The following PMPCB variants were observed in gnomAD, a reference collection of about 807,000 sequenced individuals.
The protein encoded by PMPCB is peptidase, mitochondrial processing subunit beta, also known as mitochondrial-processing peptidase subunit beta.
Under a neutral mutation model 61.5 loss-of-function variants are expected in PMPCB, and 46 were observed. That is an observed-to-expected ratio of 0.75 (90% confidence interval 0.59 to 0.96). PMPCB has a LOEUF of 0.96. Ranked by LOEUF, PMPCB falls within the 40% of genes least tolerant of loss-of-function variation. The pLI is 0.00. For missense variants in PMPCB, 590 were observed against 602.4 expected (o/e 0.98, Z 0.22); for synonymous variants, 191 against 201.6 (o/e 0.95, Z 0.44).
intron 6 of PMPCB, among the ~76,000 whole-genome samples, chr7:103,306,871 T>C (rs938336733): frequency 1.3e-5 from 2 of 152,188 alleles, no homozygotes; most frequent in African/African-American, 4.8e-5. Context: ...TTCTCCTGCC[T>C]CAGCCTCCTG....
chr7:103,331,535 T>TA (rs1329830907), downstream of PMPCB, among the ~76,000 whole-genome samples: 37 of 152,276 alleles, frequency 2.4e-4, no homozygotes, highest in Admixed American at 1.7e-3. Context: ...CAGCCTCTGG[T>TA]ATCTATCATT....
chr7:103,344,525 G>A, the PMPCB span: 5 of 1,612,116 alleles, frequency 3.1e-6, no homozygotes, highest in Admixed American at 3.3e-5. Flanking sequence ...GGGCAGCTGA[G>A]GTGAGAAGGA....
chr7:103,344,696 C>T, the PMPCB span: 1 of 1,492,022 alleles, frequency 6.7e-7, no homozygotes, highest in Non-Finnish European at 9.2e-7. Flanking sequence ...TCCCCTCCAG[C>T]TCTACCTCTC....
At chr7:103,341,373 T>C in the PMPCB span, among the ~76,000 whole-genome samples, 9 of 152,228 alleles carry the variant, frequency 5.9e-5, no homozygotes, top group African/African-American at 2.2e-4. Context: ...TTAAAGACAC[T>C]AGATTTCTCA....
intron 12 of PMPCB, chr7:103,324,696 C>G (rs963734415): frequency 3.3e-6 from 3 of 897,234 alleles, no homozygotes; most frequent in Admixed American, 4.4e-5. Context: ...CTCTACAACT[C>G]GAAGATGGAG....
intron 6 of PMPCB, 92 bp downstream of exon 6, chr7:103,304,582 A>C: frequency 1.2e-6 from 1 of 823,642 alleles, no homozygotes; most frequent in Non-Finnish European, 2.1e-6. Context: ...TACCCTAAGA[A>C]TTTTCATTTA....
intron 1 of PMPCB, chr7:103,297,772 G>A: frequency 2.0e-6 from 3 of 1,532,464 alleles, no homozygotes; most frequent in Non-Finnish European, 2.6e-6. Context: ...CGTGTGGGAT[G>A]ACCCTGGTTT....
At chr7:103,330,986 TCTCA>T (rs1308681424), downstream of PMPCB, among the ~76,000 whole-genome samples, 1 of 151,080 alleles carries the variant, frequency 6.6e-6, no homozygotes, top group African/African-American at 2.4e-5. Flanking sequence ...TGAGATGGAG[TCTCA>T]CTCTGTTGGC....
At chr7:103,299,417 T>A in intron 2 of PMPCB, 26 bp from the exon 3 acceptor site, 2 of 1,391,360 alleles carry the variant, frequency 1.4e-6, no homozygotes, top group Non-Finnish European at 2.0e-6. Context: ...AATGAATTTA[T>A]TTAATTGTTC....
At chr7:103,322,360 A>G in intron 12 of PMPCB, 2 of 890,782 alleles carry the variant, frequency 2.2e-6, no homozygotes, top group Non-Finnish European at 3.3e-6. Context: ...AAGATCTCTC[A>G]ATTATACCAA....
downstream of PMPCB, chr7:103,316,837 T>C: frequency 6.2e-7 from 1 of 1,612,980 alleles, no homozygotes; most frequent in Non-Finnish European, 8.5e-7. Flanking sequence ...TACCTTGAAT[T>C]TGTTCCAGCA....
At chr7:103,344,536 A>G in the PMPCB span, 1 of 1,613,588 alleles carries the variant, frequency 6.2e-7, no homozygotes, top group South Asian at 1.1e-5. Context: ...GTGAGAAGGA[A>G]CCGAGGTTGG....
chr7:103,312,205 A>C lies in PMPCB; in HGVS notation c.1406-2A>C. On this transcript the variant is annotated splice_acceptor_variant, in intron 12 of 12. Transcript: ENST00000249269. LOFTEE classifies it high-confidence loss of function. ...TAATTAACTCTTCTTTTTAATCCTT[A>C]GGTCCCATTAAGCAACTACCAGATT... 1 of 1,613,806 alleles carries C rather than the reference A, an allele frequency of 6.2e-7. No individual in the cohort carries two copies. The highest frequency in any genetic ancestry group is 8.5e-7 in the Non-Finnish European group (1 of 1,179,930).
In PMPCB at chr7:103,312,921, A is replaced by T. The variant is rs1200468484; in HGVS notation, c.*650A>T. 1.3e-6 allele frequency: 2 copies of T among 1,592,578 alleles called. No individual in the cohort carries two copies. The highest frequency in any genetic ancestry group is 4.5e-5 in the East Asian group (2 of 44,766). ...CCCAAGCTACAATTTAAAATACAAC[A>T]ATCTATAAACGCTTAAGTCTGCAAC... On this transcript the variant is annotated 3_prime_UTR_variant, in exon 13 of 13. Transcript: ENST00000249269.
At position 103,297,563 on chromosome 7, in the gene PMPCB, G is replaced by A; in HGVS notation, c.99+5G>A. The stretch of plus-strand genomic sequence containing the variant: ...ATCCGAGGCGCTGCGGGACGGGTGA[G>A]CTTCCCTCCAGGCCGGTCCTGTCCT... On this transcript the variant is annotated splice_donor_5th_base_variant and intron_variant, in intron 1 of 12. Transcript: ENST00000249269. The A allele has an allele frequency of 6.2e-7, 1 of 1,611,634 alleles. No individual in the cohort carries two copies. Among genetic ancestry groups the A allele is most frequent in the Non-Finnish European group, 8.5e-7 (1 of 1,178,556 alleles).
At chr7:103,318,870 T>A (rs1015482441), downstream of PMPCB, among the ~76,000 whole-genome samples, 1 of 152,124 alleles carries the variant, frequency 6.6e-6, no homozygotes, top group African/African-American at 2.4e-5. Context: ...CTAAGTATGG[T>A]AAAAACCATA....
chr7:103,306,885 A>C (rs1298215278), intron 6 of PMPCB, among the ~76,000 whole-genome samples: 2 of 152,158 alleles, frequency 1.3e-5, no homozygotes, highest in Non-Finnish European at 2.9e-5. Flanking sequence ...CCTCCTGAAT[A>C]GCTGGGATTA....
At position 103,311,845 on chromosome 7, in the gene PMPCB, G is replaced by A; in HGVS notation, c.1278G>A (p.Met426Ile). ...TPICEDIGRQMLCYNRRIPIP... is the reference protein window; with the variant it reads ...TPICEDIGRQILCYNRRIPIP... The stretch of plus-strand genomic sequence containing the variant: ...TTTGTGAAGATATTGGTAGGCAAAT[G>A]TTATGCTATAATAGAAGGATTCCCA... The change falls in exon 11 of 13, where the codon ATG becomes ATA. Residue 426 changes from methionine to isoleucine, a missense_variant. By Grantham distance (10) the Met-to-Ile change is conservative (BLOSUM62 1). Transcript: ENST00000249269. 6.2e-7 allele frequency: 1 copy of A among 1,613,438 alleles called. No individual in the cohort carries two copies. Among genetic ancestry groups the A allele is most frequent in the Admixed American group, 1.7e-5 (1 of 59,984 alleles).
chr7:103,342,631 C>T, the PMPCB span, among the ~76,000 whole-genome samples: 3 of 137,040 alleles, frequency 2.2e-5, no homozygotes, highest in African/African-American at 8.4e-5. Flanking sequence ...TTTTTTGGGA[C>T]GGAGTCTTGC....
Sources: gnomAD v4.1 joint callset for allele counts (sites outside exome capture counted in the v4.1 genomes callset) on GRCh38, gnomAD v4.1.1 for gene constraint, MANE v1.5 for transcripts, NCBI Gene and HGNC (gene_info 2026-07-23, HGNC 2026-07-21) for gene names.